The following MINDY2 variants were observed in gnomAD, a reference collection of about 807,000 sequenced individuals.
MINDY2 encodes the protein ubiquitin carboxyl-terminal hydrolase MINDY-2.
MINDY2 carries 52 observed loss-of-function variants against 68.2 expected under a neutral mutation model. The observed-to-expected ratio is 0.76, with a 90% CI of 0.61 to 0.96. The LOEUF (loss-of-function observed/expected upper bound fraction) is 0.96, where lower values mean the gene tolerates loss of function less well. Ranked by LOEUF, MINDY2 falls within the 40% of genes least tolerant of loss-of-function variation. MINDY2 has a pLI of 0.00. For synonymous variants in MINDY2, 372 were observed against 303.0 expected, an observed-to-expected ratio of 1.23 and a Z score of -2.36; for missense variants, 881 against 773.4, an observed-to-expected ratio of 1.14 and a Z score of -1.65.
chr15:58,818,651 A>ATTTT lies in MINDY2; in HGVS notation c.1123-3051_1123-3048dup, dbSNP rs202083877. Among the ~76,000 whole-genome samples the ATTTT allele has an allele frequency of 7.1e-3, 932 of 131,522 alleles. 12 individuals carry two copies. Among genetic ancestry groups the ATTTT allele is most frequent in the African/African-American group, 0.025 (874 of 34,732 alleles). 86.3% of individuals were successfully genotyped at this position (131,522 alleles called of 152,430 possible). On this transcript the variant is annotated intron_variant, in intron 4 of 8. Transcript: ENST00000559228. ...AAATAGATTTGATTTTTGTATATTG[A>ATTTT]TTTTTTTTTTTTTTTTTTGAGACAG...
At chr15:58,827,055 G>T (rs533737579) in intron 5 of MINDY2, among the ~76,000 whole-genome samples, 18 of 152,090 alleles carry the variant, frequency 1.2e-4, no homozygotes, top group African/African-American at 4.3e-4. Context: ...GTAGATTCAG[G>T]TTATATATTT....
chr15:58,802,873 A>G (rs1902757863), intron 3 of MINDY2, among the ~76,000 whole-genome samples: 2 of 152,320 alleles, frequency 1.3e-5, no homozygotes, highest in South Asian at 4.1e-4. Flanking sequence ...GCAATGTAGG[A>G]GGTATCACTA....
rs10719398 is a variant in MINDY2 at position 58,848,077 on chromosome 15, ATT to A, written c.1542+622_1542+623del. ...TGCATTTAGAAATGAGACAGATGAG[ATT>A]TTTTTTTTTTTTTTGACAGATGAGA... On this transcript the variant is annotated intron_variant, in intron 7 of 8. Coordinates refer to ENST00000559228, the MANE Select transcript of MINDY2 (RefSeq NM_001040450.3). Among the ~76,000 whole-genome samples the A allele has an allele frequency of 5.3e-3, 763 of 143,630 alleles. 1 individual carries two copies. Among genetic ancestry groups the A allele is most frequent in the Middle Eastern group, 0.018 (5 of 278 alleles). The allele number at this position is 143,630 out of a possible 152,430, so 94.2% of individuals were successfully genotyped here.
rs183966605 is a variant in MINDY2 at position 58,778,064 on chromosome 15, T to C, written c.840+5829T>C. On this transcript the variant is annotated intron_variant, in intron 1 of 8. Coordinates refer to ENST00000559228, the MANE Select transcript of MINDY2 (RefSeq NM_001040450.3). Reference sequence around the variant, plus strand: ...TAAGCCAGAAGGTATATAACATATATATTTTAGTGCTTACAAAGATATTTC... The same window carrying C: ...TAAGCCAGAAGGTATATAACATATACATTTTAGTGCTTACAAAGATATTTC... 2.1e-3 allele frequency among the ~76,000 whole-genome samples: 324 copies of C among 152,304 alleles called. 3 individuals are homozygous for C. The highest frequency in any genetic ancestry group is 2.3e-3 in the East Asian group (12 of 5,194).
intron 2 of MINDY2, among the ~76,000 whole-genome samples, chr15:58,798,021 C>T (rs1902396735): frequency 6.6e-6 from 1 of 152,186 alleles, no homozygotes; most frequent in African/African-American, 2.4e-5. Flanking sequence ...TGCTGAAAAG[C>T]TCATATGCTC....
intron 3 of MINDY2, among the ~76,000 whole-genome samples, chr15:58,804,640 TA>T (rs1364012109): frequency 4.3e-4 from 66 of 151,828 alleles, no homozygotes; most frequent in African/African-American, 1.6e-3. Flanking sequence ...ACCCTGTCTC[TA>T]CAAAAAATAC....
rs1428426372 is a variant in MINDY2, at chr15:58,857,930, G to T, written c.*3320G>T. 1 of 152,018 alleles carries T rather than the reference G, an allele frequency of 6.6e-6. No homozygotes were observed. The highest frequency in any genetic ancestry group is 2.4e-5 in the African/African-American group (1 of 41,382). 9.4% of individuals were successfully genotyped at this position (152,018 alleles called of 1,614,324 possible). A position where few individuals can be genotyped will look rare whatever the true frequency, so the allele number is the denominator to read the frequency against. ...TTAAAAATATAAAATTTTTCTTCAT[G>T]TCTAATCCCATTGCATCCACAATGC... On this transcript the variant is annotated 3_prime_UTR_variant, in exon 9 of 9. Transcript: ENST00000559228.
chr15:58,772,782 C>T (rs563604055), intron 1 of MINDY2, among the ~76,000 whole-genome samples: 20 of 152,180 alleles, frequency 1.3e-4, no homozygotes, highest in Non-Finnish European at 2.4e-4. Context: ...GACCCAATTA[C>T]CGTAACTTCT....
At chr15:58,788,945 G>A (rs147893567) in intron 2 of MINDY2, among the ~76,000 whole-genome samples, 389 of 152,218 alleles carry the variant, frequency 2.6e-3, no homozygotes, top group African/African-American at 8.9e-3. Context: ...TCAAGAGGTG[G>A]AGGTTACAGT....
intron 2 of MINDY2, among the ~76,000 whole-genome samples, chr15:58,794,616 T>A (rs1313864251): frequency 1.3e-5 from 2 of 150,606 alleles, no homozygotes; most frequent in Admixed American, 1.3e-4. Flanking sequence ...AACTGAGGAG[T>A]TTAGGGAGGA....
chr15:58,822,596 A>G (rs569287814), intron 5 of MINDY2, among the ~76,000 whole-genome samples: 1 of 152,300 alleles, frequency 6.6e-6, no homozygotes, highest in Admixed American at 6.5e-5. Flanking sequence ...GGATCAGAGT[A>G]TGCCTCTGAA....
intron 6 of MINDY2, among the ~76,000 whole-genome samples, chr15:58,843,460 T>TA (rs2032373948): frequency 6.6e-6 from 1 of 152,176 alleles, no homozygotes; most frequent in Non-Finnish European, 1.5e-5. Context: ...CTAGAGATGT[T>TA]AAGTAATTTG....
At chr15:58,840,182 A>G (rs1182355470) in intron 6 of MINDY2, among the ~76,000 whole-genome samples, 1 of 144,992 alleles carries the variant, frequency 6.9e-6, no homozygotes, top group African/African-American at 2.6e-5. Flanking sequence ...TCATGAGGTC[A>G]CAATGGATGT....
chr15:58,830,646 T>G lies in MINDY2; in HGVS notation c.1226-1128T>G, dbSNP rs634116. ...ACATGTATTTTCTCTATAAGGCACA[T>G]CACAGCCTTTGTCTACTGAATGCTA... On this transcript the variant is annotated intron_variant, in intron 5 of 8. Coordinates refer to ENST00000559228, the MANE Select transcript of MINDY2 (RefSeq NM_001040450.3). 9.4e-4 allele frequency among the ~76,000 whole-genome samples: 143 copies of G among 152,324 alleles called. 2 individuals carry two copies. In the East Asian group the frequency reaches 0.022, roughly 24 times the overall value.
intron 5 of MINDY2, among the ~76,000 whole-genome samples, chr15:58,825,131 A>G (rs768931673): frequency 1.2e-4 from 18 of 152,242 alleles, no homozygotes; most frequent in Non-Finnish European, 1.9e-4. Flanking sequence ...ACAGGTGATA[A>G]CTTTTTAAAA....
Position 58,851,779 on chromosome 15 carries a change from T to A in MINDY2, c.1551T>A (p.Leu517=). 1 of 1,577,938 alleles carries A rather than the reference T, an allele frequency of 6.3e-7. No homozygotes were observed. ...GQQDQIDQDY[L]MALSLQQEQQ... The stretch of plus-strand genomic sequence containing the variant: ...ATAATTTAATTTATTAGGATTATCT[T>A]ATGGCATTATCTCTACAACAAGAAC... Residue 517 remains leucine (L), a synonymous_variant, in exon 8 of 9, where the codon CTT becomes CTA. Coordinates refer to ENST00000559228, the MANE Select transcript of MINDY2 (RefSeq NM_001040450.3).
chr15:58,855,375 C>A lies in MINDY2; in HGVS notation c.*765C>A, dbSNP rs1438425646. 6.6e-6 allele frequency: 1 copy of A among 152,428 alleles called. No homozygotes were observed. The highest frequency in any genetic ancestry group is 6.6e-5 in the Admixed American group (1 of 15,258). 9.4% of individuals were successfully genotyped at this position (152,428 alleles called of 1,614,324 possible). A position where few individuals can be genotyped will look rare whatever the true frequency, so the allele number is the denominator to read the frequency against. ...AGTCTTTATCATAGGTAACCTGGAC[C>A]ACAGTTACTATTTATTGACAATGTG... On this transcript the variant is annotated 3_prime_UTR_variant, in exon 9 of 9. Transcript: ENST00000559228.
chr15:58,842,052 C>T (rs1318646631), intron 6 of MINDY2, among the ~76,000 whole-genome samples: 1 of 151,792 alleles, frequency 6.6e-6, no homozygotes, highest in Non-Finnish European at 1.5e-5. Flanking sequence ...ATTACATAGC[C>T]CCTGTCTAGA....
chr15:58,774,834 G>A (rs910703231), intron 1 of MINDY2, among the ~76,000 whole-genome samples: 5 of 152,198 alleles, frequency 3.3e-5, no homozygotes, highest in East Asian at 1.9e-4. Context: ...GGAGGTAAAC[G>A]AAATGGTGGT....
Sources: gnomAD v4.1 joint callset for allele counts (sites outside exome capture counted in the v4.1 genomes callset) on GRCh38, gnomAD v4.1.1 for gene constraint, MANE v1.5 for transcripts, NCBI Gene and HGNC (gene_info 2026-07-23, HGNC 2026-07-21) for gene names.